The following TMEM132D variants were observed in gnomAD, a reference collection of about 807,000 sequenced individuals.
TMEM132D encodes the protein transmembrane protein 132D.
Under a neutral mutation model 62.3 loss-of-function variants are expected in TMEM132D, and 21 were observed. The ratio of observed to expected loss-of-function variants is 0.34; its 90% CI spans 0.24 to 0.49. TMEM132D has a LOEUF of 0.49. Among genes scored for constraint, TMEM132D ranks in the 20% least tolerant of loss-of-function variants. TMEM132D has a pLI of 0.99. For synonymous variants in TMEM132D, 621 were observed against 575.6 expected (o/e 1.08, Z -1.13); for missense variants, 1,346 against 1,402.8 (o/e 0.96, Z 0.65).
At chr12:129,306,486 T>A (rs1036218438) in intron 4 of TMEM132D, among the ~76,000 whole-genome samples, 1 of 152,190 alleles carries the variant, frequency 6.6e-6, no homozygotes, top group Non-Finnish European at 1.5e-5. Flanking sequence ...TTATCCATAG[T>A]TCAAATATGT....
chr12:129,548,312 C>T (rs1313336458), intron 2 of TMEM132D, among the ~76,000 whole-genome samples: 2 of 152,164 alleles, frequency 1.3e-5, no homozygotes, highest in African/African-American at 4.8e-5. Flanking sequence ...TTCCACAGTC[C>T]CTCAGGCCTG....
chr12:129,667,307 G>T (rs963024784), intron 2 of TMEM132D, among the ~76,000 whole-genome samples: 13 of 152,092 alleles, frequency 8.5e-5, no homozygotes, highest in Admixed American at 3.9e-4. Flanking sequence ...ATGAAATTTG[G>T]TTTTCTCTTT....
At position 129,543,402 on chromosome 12, in the gene TMEM132D, ATG is replaced by A. The variant is rs1347864825; in HGVS notation, c.969-12199_969-12198del. On this transcript the variant is annotated intron_variant, in intron 2 of 8. Coordinates refer to ENST00000422113, the MANE Select transcript of TMEM132D (RefSeq NM_133448.3). ...GATGGATGGATGGATGGATGGATGG[ATG>A]GATAGACAGATAGATAGATATTCCT... is the stretch of plus-strand genomic sequence containing the variant. Among the ~76,000 whole-genome samples the A allele has an allele frequency of 2.2e-3, 312 of 142,326 alleles. 1 individual carries two copies. Among genetic ancestry groups the A allele is most frequent in the African/African-American group, 7.3e-3 (269 of 36,628 alleles). The allele number at this position is 142,326 out of a possible 152,430, so 93.4% of individuals were successfully genotyped here. A position where few individuals can be genotyped will look rare whatever the true frequency, so the allele number is the denominator to read the frequency against.
chr12:129,844,248 T>C (rs1159077358), intron 1 of TMEM132D, among the ~76,000 whole-genome samples: 2 of 152,206 alleles, frequency 1.3e-5, no homozygotes, highest in Admixed American at 1.3e-4. Context: ...CAATAACTTA[T>C]GCCAATTCAT....
intron 5 of TMEM132D, among the ~76,000 whole-genome samples, chr12:129,166,207 A>G (rs1877540632): frequency 6.6e-6 from 1 of 152,210 alleles, no homozygotes. Flanking sequence ...GGCTCTATGT[A>G]AATGGATGCA....
At chr12:129,340,096 T>C (rs1042425155) in intron 3 of TMEM132D, among the ~76,000 whole-genome samples, 1 of 152,190 alleles carries the variant, frequency 6.6e-6, no homozygotes, top group African/African-American at 2.4e-5. Context: ...CCACCTATAA[T>C]ACCCTTCAAT....
chr12:129,829,154 T>G (rs1325128781), intron 1 of TMEM132D, among the ~76,000 whole-genome samples: 1 of 152,050 alleles, frequency 6.6e-6, no homozygotes, highest in Admixed American at 6.6e-5. Context: ...CATTCCTAGC[T>G]GATATGTTAT....
chr12:129,605,604 T>TATATATATATATATATATATATACACAC (rs150550863), intron 2 of TMEM132D, among the ~76,000 whole-genome samples: 28 of 106,266 alleles, frequency 2.6e-4, no homozygotes, highest in African/African-American at 1.0e-3. Context: ...TATATATATA[T>TATATATATATATATATATATATACACAC]ACACACACAT....
intron 4 of TMEM132D, among the ~76,000 whole-genome samples, chr12:129,234,955 A>T (rs1879738702): frequency 6.6e-6 from 1 of 152,234 alleles, no homozygotes; most frequent in Non-Finnish European, 1.5e-5. Context: ...TTAGATGTAC[A>T]TTAAATGTGC....
In TMEM132D at chr12:129,199,710, G is replaced by C. The variant is rs990557981; in HGVS notation, c.1443+9810C>G. On this transcript the variant is annotated intron_variant, in intron 5 of 8. Coordinates refer to ENST00000422113, the MANE Select transcript of TMEM132D (RefSeq NM_133448.3). ...AGCAGAAGGTGTAGGAGGAGCAAAG[G>C]CATGTCTTACATGGTGGCAAGCAAG... is the stretch of plus-strand genomic sequence containing the variant. Among the ~76,000 whole-genome samples the C allele has an allele frequency of 2.6e-4, 40 of 152,274 alleles. 1 individual carries two copies. Among genetic ancestry groups the C allele is most frequent in the African/African-American group, 7.7e-4 (32 of 41,552 alleles).
At chr12:129,730,681 A>C (rs1334837037) in intron 1 of TMEM132D, among the ~76,000 whole-genome samples, 1 of 151,834 alleles carries the variant, frequency 6.6e-6, no homozygotes. Context: ...TGGGAAAAGC[A>C]GACCCACCCT....
At chr12:129,208,365 G>A (rs1878919249) in intron 5 of TMEM132D, among the ~76,000 whole-genome samples, 1 of 152,166 alleles carries the variant, frequency 6.6e-6, no homozygotes, top group Admixed American at 6.5e-5. Flanking sequence ...AGAAGATTCT[G>A]GAATGAGTAG....
intron 4 of TMEM132D, among the ~76,000 whole-genome samples, chr12:129,256,426 A>C (rs557516615): frequency 6.6e-6 from 1 of 151,392 alleles, no homozygotes; most frequent in Non-Finnish European, 1.5e-5. Context: ...AAATCCATTT[A>C]TTTATTTATT....
At chr12:129,197,797 G>T (rs984857332) in intron 5 of TMEM132D, among the ~76,000 whole-genome samples, 9 of 152,162 alleles carry the variant, frequency 5.9e-5, no homozygotes, top group African/African-American at 1.2e-4. Flanking sequence ...GAAATTGAAT[G>T]AAACATAAAC....
chr12:129,337,542 C>A, intron 4 of TMEM132D, 92 bp downstream of exon 4: 4 of 1,513,284 alleles, frequency 2.6e-6, no homozygotes, highest in Middle Eastern at 1.8e-4. Context: ...GGCTCCTCCC[C>A]TTTTCCCCAC....
chr12:129,585,139 A>T (rs1877988167), intron 2 of TMEM132D, among the ~76,000 whole-genome samples: 1 of 152,254 alleles, frequency 6.6e-6, no homozygotes, highest in Non-Finnish European at 1.5e-5. Flanking sequence ...CATTTTCATT[A>T]GGAATTAAGG....
chr12:129,371,679 G>C lies in TMEM132D; in HGVS notation c.1116-33862C>G, dbSNP rs1377194503. Among the ~76,000 whole-genome samples, 3 of 152,054 alleles carry C rather than the reference G, an allele frequency of 2.0e-5. No individual in the cohort carries two copies. The highest frequency in any genetic ancestry group is 4.4e-5 in the Non-Finnish European group (3 of 68,000). On this transcript the variant is annotated intron_variant, in intron 3 of 8. Coordinates refer to ENST00000422113, the MANE Select transcript of TMEM132D (RefSeq NM_133448.3). The surrounding 1 kb of genome is among the most constrained non-coding windows in gnomAD (Gnocchi z 4.3). ...TGGTTATGATGGTGTGGATGATGAT[G>C]ATGGTGACAATGATGATGTGATGAT...
chr12:129,403,721 G>GA (rs1871688895), intron 3 of TMEM132D, among the ~76,000 whole-genome samples: 1 of 152,118 alleles, frequency 6.6e-6, no homozygotes, highest in Admixed American at 6.5e-5. Flanking sequence ...CATGGAGTTA[G>GA]AAAATTAATT....
chr12:129,538,943 C>G (rs1028822303), intron 2 of TMEM132D, among the ~76,000 whole-genome samples: 2 of 148,802 alleles, frequency 1.3e-5, no homozygotes, highest in Non-Finnish European at 1.5e-5. Context: ...CTACTAGTGA[C>G]CCCTGGCGAT....
Sources: gnomAD v4.1 joint callset for allele counts (sites outside exome capture counted in the v4.1 genomes callset) on GRCh38, gnomAD v4.1.1 for gene constraint, Gnocchi (gnomAD v3.1) non-coding constraint, MANE v1.5 for transcripts, NCBI Gene and HGNC (gene_info 2026-07-23, HGNC 2026-07-21) for gene names.